Variants in WDR48 observed in about 807,000 individuals in gnomAD.
The protein encoded by WDR48 is WD repeat-containing protein 48.
In WDR48, 22 loss-of-function variants were observed where a neutral mutation model predicts 94.0. The ratio of observed to expected loss-of-function variants is 0.23; its 90% CI spans 0.17 to 0.33. The LOEUF (loss-of-function observed/expected upper bound fraction) is 0.33, where lower values mean the gene tolerates loss of function less well. Ranked by LOEUF, WDR48 falls within the 10% of genes least tolerant of loss-of-function variation. The probability of loss-of-function intolerance (pLI) is 1.00; values close to 1 mark genes in which losing one functional copy is unlikely to be tolerated. For synonymous variants in WDR48, 278 were observed against 280.5 expected (o/e 0.99, Z 0.09); for missense variants, 541 against 813.8 (o/e 0.66, Z 4.08).
intron 7 of WDR48, among the ~76,000 whole-genome samples, chr3:39,073,823 C>T (rs900086541): frequency 6.6e-6 from 1 of 152,144 alleles, no homozygotes; most frequent in African/African-American, 2.4e-5. Flanking sequence ...AATGGTAAGC[C>T]TGAGACTAGA....
At position 39,077,407 on chromosome 3, in the gene WDR48, A is replaced by T. The variant is rs111290294; in HGVS notation, c.972+194A>T. 3.3e-3 allele frequency among the ~76,000 whole-genome samples: 507 copies of T among 152,320 alleles called. 4 individuals are homozygous for T. The highest frequency in any genetic ancestry group is 0.01 in the Middle Eastern group (3 of 294). ...TAAAATTAAGATAATAGTCAAAATG[A>T]CTATTCTGACTTCTTTGTCTGGAGC... On this transcript the variant is annotated intron_variant, in intron 9 of 18. Transcript: ENST00000302313.
intron 7 of WDR48, among the ~76,000 whole-genome samples, chr3:39,072,547 G>A (rs1669891439): frequency 6.6e-6 from 1 of 152,162 alleles, no homozygotes; most frequent in Non-Finnish European, 1.5e-5. Context: ...CAGCAACTTG[G>A]CCTCAGTACA....
chr3:39,053,545 G>C (rs571064080), intron 1 of WDR48, among the ~76,000 whole-genome samples: 1 of 152,242 alleles, frequency 6.6e-6, no homozygotes, highest in East Asian at 1.9e-4. Context: ...GTCTCCTTGG[G>C]ACTGAAATAT....
At position 39,094,797 on chromosome 3, in the gene WDR48, A is replaced by G. The variant is rs1011605000; in HGVS notation, c.*54A>G. On this transcript the variant is annotated 3_prime_UTR_variant, in exon 19 of 19. Coordinates refer to ENST00000302313, the MANE Select transcript of WDR48 (RefSeq NM_020839.4). The stretch of plus-strand genomic sequence containing the variant: ...TTTACGACCTTCCTCTATGGCCCCA[A>G]GAGTAGTCCTAGGAAGCCCACTGAT... 6.0e-5 allele frequency: 96 copies of G among 1,605,970 alleles called. No individual in the cohort carries two copies. The Admixed American group carries it at 1.6e-3, about 27-fold the overall frequency.
intron 10 of WDR48, among the ~76,000 whole-genome samples, 162 bp from the exon 11 acceptor site, chr3:39,079,549 A>C (rs1345789520): frequency 6.6e-6 from 1 of 152,188 alleles, no homozygotes; most frequent in East Asian, 1.9e-4. Context: ...ATGGGACTTG[A>C]ATTGCTTTAG....
intron 1 of WDR48, among the ~76,000 whole-genome samples, chr3:39,061,084 A>T (rs1319858751): frequency 6.6e-6 from 1 of 152,244 alleles, no homozygotes; most frequent in Non-Finnish European, 1.5e-5. Context: ...TAGAATCACT[A>T]TAGGTACTTG....
chr3:39,073,024 T>C (rs2034022828), intron 7 of WDR48, among the ~76,000 whole-genome samples: 1 of 152,190 alleles, frequency 6.6e-6, no homozygotes. Context: ...TGTTACAAGT[T>C]GCCCCAGGCC....
chr3:39,094,626 A>T (rs778127139), intron 18 of WDR48, 22 bp from the exon 19 acceptor site: 1 of 1,613,834 alleles, frequency 6.2e-7, no homozygotes, highest in Non-Finnish European at 8.5e-7. Flanking sequence ...TGAAATTTTT[A>T]AATTTAATTT....
intron 10 of WDR48, among the ~76,000 whole-genome samples, chr3:39,079,411 A>T (rs952675484): frequency 1.6e-4 from 25 of 152,222 alleles, no homozygotes; most frequent in African/African-American, 5.8e-4. Flanking sequence ...TTCCCAGTGG[A>T]TAAAGCTGTT....
Position 39,084,628 on chromosome 3 carries a change from G to T in WDR48, c.1282-17G>T, listed in dbSNP as rs878941186. The T allele has an allele frequency of 1.2e-6, 2 of 1,609,770 alleles. No homozygotes were observed. The highest frequency in any genetic ancestry group is 2.2e-5 in the South Asian group (2 of 90,506). On this transcript the variant is annotated splice_polypyrimidine_tract_variant and intron_variant, in intron 12 of 18. Coordinates refer to ENST00000302313, the MANE Select transcript of WDR48 (RefSeq NM_020839.4). ...ATATATTCAAATGGGATGCCACTAAGTTTTTTCTTTTGATAGATGTTAACT... is the reference window on the plus strand; with the variant it reads ...ATATATTCAAATGGGATGCCACTAATTTTTTTCTTTTGATAGATGTTAACT...
chr3:39,077,746 A>G (rs1054823893), intron 9 of WDR48, among the ~76,000 whole-genome samples: 4 of 152,260 alleles, frequency 2.6e-5, no homozygotes, highest in East Asian at 3.8e-4. Context: ...CTTGCTTACC[A>G]GACTATCTGT....
intron 1 of WDR48, among the ~76,000 whole-genome samples, chr3:39,062,285 T>C (rs1355005690): frequency 5.9e-5 from 9 of 152,228 alleles, no homozygotes; most frequent in Non-Finnish European, 1.2e-4. Flanking sequence ...TTTAACTGTT[T>C]ATTTCATTAC....
chr3:39,073,522 A>G (rs1306762771), intron 7 of WDR48, among the ~76,000 whole-genome samples: 3 of 152,138 alleles, frequency 2.0e-5, no homozygotes, highest in African/African-American at 4.8e-5. Context: ...AGCTCTGCTT[A>G]CTTAACTTCA....
At chr3:39,075,395 C>CAA (rs1468303860) in intron 8 of WDR48, among the ~76,000 whole-genome samples, 1 of 151,988 alleles carries the variant, frequency 6.6e-6, no homozygotes, top group African/African-American at 2.4e-5. Flanking sequence ...GAGCAGACAA[C>CAA]AAAGCAGAGG....
At chr3:39,066,926 T>G (rs1432024634) in intron 5 of WDR48, 51 bp downstream of exon 5, 2 of 1,583,068 alleles carry the variant, frequency 1.3e-6, no homozygotes, top group Non-Finnish European at 1.7e-6. Context: ...TTAACATAAA[T>G]AAAGAATGGT....
At chr3:39,072,152 G>T (rs988828602) in intron 7 of WDR48, among the ~76,000 whole-genome samples, 2 of 152,166 alleles carry the variant, frequency 1.3e-5, no homozygotes, top group Admixed American at 6.5e-5. Context: ...TTCTTTTGTT[G>T]TAGAATAAGA....
intron 1 of WDR48, among the ~76,000 whole-genome samples, chr3:39,055,988 G>T (rs539026792): frequency 6.6e-6 from 1 of 152,168 alleles, no homozygotes; most frequent in Admixed American, 6.5e-5. Flanking sequence ...GTTAATATTC[G>T]TTGAAAGAAT....
chr3:39,069,989 G>A (rs999608112), intron 7 of WDR48, among the ~76,000 whole-genome samples: 8 of 152,152 alleles, frequency 5.3e-5, no homozygotes, highest in African/African-American at 1.9e-4. Context: ...TGCATTTATG[G>A]TGCATAGGGG....
intron 10 of WDR48, among the ~76,000 whole-genome samples, chr3:39,078,838 G>A (rs1428159903): frequency 4.0e-5 from 6 of 151,634 alleles, no homozygotes; most frequent in Admixed American, 6.6e-5. Context: ...AGACCATCCC[G>A]GCTAAAACGG....
Sources: gnomAD v4.1 joint callset for allele counts (sites outside exome capture counted in the v4.1 genomes callset) on GRCh38, gnomAD v4.1.1 for gene constraint, MANE v1.5 for transcripts, NCBI Gene and HGNC (gene_info 2026-07-23, HGNC 2026-07-21) for gene names.